The following DLEC1 variants were observed in gnomAD, a reference collection of about 807,000 sequenced individuals.
DLEC1 encodes deleted in lung and esophageal cancer protein 1.
A neutral mutation model predicts 198.1 loss-of-function variants in DLEC1; 146 were observed. The observed-to-expected ratio is 0.74, with a 90% confidence interval of 0.64 to 0.85. The LOEUF is 0.85. Among genes scored for constraint, DLEC1 ranks in the 40% least tolerant of loss-of-function variants. The pLI is 0.00. For missense variants in DLEC1, 2,233 were observed against 2,220.0 expected (o/e 1.01, Z -0.12); for synonymous variants, 897 against 866.8 (o/e 1.03, Z -0.61).
At position 38,095,904 on chromosome 3, in the gene DLEC1, G is replaced by A. The variant is rs1347656303; in HGVS notation, c.2129G>A (p.Ser710Asn). Residue 710 changes from serine to asparagine, a missense_variant, in exon 14 of 37, where the codon AGT becomes AAT. Physicochemically the swap from Ser to Asn is conservative, Grantham distance 46. Coordinates refer to ENST00000308059, the MANE Select transcript of DLEC1 (RefSeq NM_007335.4). ...GCCTTGCAGCTGAGGGATTTTCACA[G>A]TGTGCTCCAGATGGTGCTAGAGGAA... ...FSPHELRDFH[S>N]VLQMVLEEVP... 2.5e-6 allele frequency: 4 copies of A among 1,613,818 alleles called. No homozygotes were observed. Among genetic ancestry groups the A allele is most frequent in the African/African-American group, 2.7e-5 (2 of 74,934 alleles).
intron 6 of DLEC1, among the ~76,000 whole-genome samples, chr3:38,076,036 T>C (rs746081352): frequency 6.6e-6 from 1 of 152,186 alleles, no homozygotes; most frequent in Non-Finnish European, 1.5e-5. Flanking sequence ...GCTGCCTTCC[T>C]AGTCTGTGAC....
chr3:38,043,130 C>G (rs1207211949), intron 1 of DLEC1, among the ~76,000 whole-genome samples: 1 of 152,158 alleles, frequency 6.6e-6, no homozygotes, highest in African/African-American at 2.4e-5. Flanking sequence ...TGCTCTGGAA[C>G]CATACACCCT....
In DLEC1 at chr3:38,112,492, C is replaced by A. The variant is rs535991142; in HGVS notation, c.3666+131C>A. The A allele has an allele frequency of 5.0e-5, 68 of 1,369,276 alleles. No homozygotes were observed. The Admixed American group carries it at 1.4e-3, about 28-fold the overall frequency. 84.8% of individuals were successfully genotyped at this position (1,369,276 alleles called of 1,614,324 possible). A position where few individuals can be genotyped will look rare whatever the true frequency, so the allele number is the denominator to read the frequency against. On this transcript the variant is annotated intron_variant, in intron 25 of 36. Coordinates refer to ENST00000308059, the MANE Select transcript of DLEC1 (RefSeq NM_007335.4). This position sits in a 1 kb window ranked among gnomAD's most constrained non-coding sequence, Gnocchi z 4.8. The stretch of plus-strand genomic sequence containing the variant: ...CACCAGGTTGAAACGCGATGCCCAC[C>A]GAGCTTGGGATGGGCATTCGTGTCT...
At chr3:38,100,214 T>C (rs1158831931) in intron 18 of DLEC1, 72 bp from the exon 19 acceptor site, 1 of 1,501,420 alleles carries the variant, frequency 6.7e-7, no homozygotes, top group African/African-American at 1.4e-5. Flanking sequence ...TGGTTAGGCA[T>C]GGCCAGCCCC....
chr3:38,123,056 AG>A lies in DLEC1; in HGVS notation c.*647del, dbSNP rs759027265. On this transcript the variant is annotated 3_prime_UTR_variant, in exon 37 of 37. Coordinates refer to ENST00000308059, the MANE Select transcript of DLEC1 (RefSeq NM_007335.4). ...CAGCCTGGGACCTCACTCAGTTCCC[AG>A]GGTATTCAAAGACGGCAGCGGCTCC... 6.2e-7 allele frequency: 1 copy of A among 1,614,130 alleles called. No homozygotes were observed. Among genetic ancestry groups the A allele is most frequent in the Admixed American group, 1.7e-5 (1 of 60,028 alleles).
intron 2 of DLEC1, among the ~76,000 whole-genome samples, chr3:38,054,507 C>T (rs2125595524): frequency 6.6e-6 from 1 of 152,336 alleles, no homozygotes; most frequent in East Asian, 1.9e-4. Flanking sequence ...CAGGGGGTGA[C>T]ACAAGGGGCC....
At chr3:38,081,454 CA>C (rs1241295673) in intron 6 of DLEC1, among the ~76,000 whole-genome samples, 1 of 95,390 alleles carries the variant, frequency 1.0e-5, no homozygotes, top group African/African-American at 4.8e-5. Flanking sequence ...GCTGACCCCC[CA>C]ACCTCCCTCC....
At position 38,120,487 on chromosome 3, in the gene DLEC1, T is replaced by G. The variant is rs777142663; in HGVS notation, c.4744T>G (p.Tyr1582Asp). The G allele has an allele frequency of 1.9e-5, 31 of 1,614,076 alleles. No individual in the cohort carries two copies. In the Admixed American group the frequency reaches 5.2e-4, roughly 27 times the overall value. The change falls in exon 34 of 37, where the codon TAT (tyrosine) becomes GAT (aspartate). Residue 1582 changes from tyrosine (Y) to aspartate (D), a missense_variant. By Grantham distance (160) the Tyr-to-Asp change is radical (BLOSUM62 -3). Coordinates refer to ENST00000308059, the MANE Select transcript of DLEC1 (RefSeq NM_007335.4). ...SFSLSLELLS[Y>D]QKLPADQTLP... ...CTCACTCTCCCTGGAGCTGCTCTCCTATCAGAAGCTCCCAGCTGACCAGAC... is the reference window on the plus strand; with the variant it reads ...CTCACTCTCCCTGGAGCTGCTCTCCGATCAGAAGCTCCCAGCTGACCAGAC...
intron 6 of DLEC1, among the ~76,000 whole-genome samples, chr3:38,075,020 G>A (rs1357555117): frequency 6.6e-6 from 1 of 152,018 alleles, no homozygotes; most frequent in Non-Finnish European, 1.5e-5. Context: ...AGGAGGGGAG[G>A]TGGTAGAAGG....
rs1281435058 is a variant in DLEC1, at chr3:38,066,605, A to G, written c.1173+2686A>G. On this transcript the variant is annotated intron_variant, in intron 6 of 36. Transcript: ENST00000308059. ...AGCTTCTTTCTTTTAGAAGCTTCCCACCTTCTTGGGGAATCAGGTCAAGAC... is the reference window on the plus strand; with the variant it reads ...AGCTTCTTTCTTTTAGAAGCTTCCCGCCTTCTTGGGGAATCAGGTCAAGAC... Among the ~76,000 whole-genome samples, 3 of 152,216 alleles carry G rather than the reference A, an allele frequency of 2.0e-5. No homozygotes were observed. In the East Asian group the frequency reaches 5.8e-4, roughly 29 times the overall value.
At chr3:38,080,387 G>T (rs1697905423) in intron 6 of DLEC1, among the ~76,000 whole-genome samples, 1 of 152,136 alleles carries the variant, frequency 6.6e-6, no homozygotes, top group African/African-American at 2.4e-5. Flanking sequence ...GATGCTTGGG[G>T]TTGGGACTGA....
intron 7 of DLEC1, 116 bp from the exon 8 acceptor site, chr3:38,085,158 C>A: frequency 8.4e-7 from 1 of 1,184,168 alleles, no homozygotes; most frequent in Non-Finnish European, 1.2e-6. Context: ...GTGGCTTTGG[C>A]CCAGAAGGCA....
intron 6 of DLEC1, among the ~76,000 whole-genome samples, chr3:38,072,673 A>G (rs549513428): frequency 2.0e-5 from 3 of 152,350 alleles, no homozygotes; most frequent in East Asian, 3.9e-4. Flanking sequence ...CCAGGTATCT[A>G]AAGGCGAAAA....
Position 38,110,282 on chromosome 3 carries a change from G to GT in DLEC1, c.3443+2dup, listed in dbSNP as rs764715858. 6.8e-6 allele frequency: 11 copies of GT among 1,614,130 alleles called. 1 individual carries two copies. The Middle Eastern group carries it at 1.3e-3, about 194-fold the overall frequency. On this transcript the variant is annotated splice_donor_variant, in intron 23 of 36. Transcript: ENST00000308059. LOFTEE classifies it high-confidence loss of function. ...ACAGCCTGAGCAAAAAGACCAGCCT[G>GT]TAAGTCTTGCTTCTTTCACTTCCCA... is the stretch of plus-strand genomic sequence containing the variant.
At position 38,122,724 on chromosome 3, in the gene DLEC1, G is replaced by A; in HGVS notation, c.*312G>A. 2 of 1,355,468 alleles carry A rather than the reference G, an allele frequency of 1.5e-6. No individual in the cohort carries two copies. The highest frequency in any genetic ancestry group is 2.6e-4 in the Middle Eastern group (1 of 3,820). The allele number at this position is 1,355,468 out of a possible 1,614,324, so 84.0% of individuals were successfully genotyped here. A position where few individuals can be genotyped will look rare whatever the true frequency, so the allele number is the denominator to read the frequency against. ...ACCACAGCCACTAAGATAAATTCAT[G>A]CACTTTTACTATGCCCATTGCACTT... is the stretch of plus-strand genomic sequence containing the variant. On this transcript the variant is annotated 3_prime_UTR_variant, in exon 37 of 37. Transcript: ENST00000308059.
intron 35 of DLEC1, 77 bp downstream of exon 35, chr3:38,121,858 C>T: frequency 6.4e-7 from 1 of 1,559,404 alleles, no homozygotes; most frequent in African/African-American, 1.4e-5. Context: ...GAAGGGGCCC[C>T]TGTGCGCCGT....
chr3:38,049,959 G>T (rs1486620481), intron 2 of DLEC1, among the ~76,000 whole-genome samples: 16 of 152,278 alleles, frequency 1.1e-4, no homozygotes. Context: ...TCCAGGATAG[G>T]TCAGCTGATG....
intron 7 of DLEC1, among the ~76,000 whole-genome samples, 183 bp downstream of exon 7, chr3:38,084,428 A>AGTGGTGGTGGTG (rs201226341): frequency 1.3e-4 from 8 of 60,262 alleles, no homozygotes; most frequent in Non-Finnish European, 2.5e-4. Flanking sequence ...TAGTGGTAGT[A>AGTGGTGGTGGTG]GTAGTAGTGG....
chr3:38,114,303 C>T (rs201302132), intron 25 of DLEC1, 39 bp from the exon 26 acceptor site: 23 of 1,604,830 alleles, frequency 1.4e-5, no homozygotes, highest in African/African-American at 5.3e-5. Context: ...TGGTCGCAAC[C>T]GGTGACAGGA....
Sources: gnomAD v4.1 joint callset for allele counts (sites outside exome capture counted in the v4.1 genomes callset) on GRCh38, gnomAD v4.1.1 for gene constraint, Gnocchi (gnomAD v3.1) non-coding constraint, MANE v1.5 for transcripts, NCBI Gene and HGNC (gene_info 2026-07-23, HGNC 2026-07-21) for gene names.